The following PHF21A variants were observed in gnomAD, a reference collection of about 807,000 sequenced individuals.
PHF21A encodes BHC80a.
Under a neutral mutation model 82.5 loss-of-function variants are expected in PHF21A, and 11 were observed. That is an observed-to-expected ratio of 0.13 (90% confidence interval 0.08 to 0.22). The LOEUF (loss-of-function observed/expected upper bound fraction) is 0.22. PHF21A is among the 10% of genes least tolerant of loss of function. PHF21A has a pLI of 1.00. For synonymous variants in PHF21A, 297 were observed against 302.8 expected (o/e 0.98, Z 0.20); for missense variants, 579 against 837.8 (o/e 0.69, Z 3.81).
At chr11:45,984,790 G>T (rs578145671) in intron 6 of PHF21A, among the ~76,000 whole-genome samples, 1 of 152,318 alleles carries the variant, frequency 6.6e-6, no homozygotes, top group South Asian at 2.1e-4. Flanking sequence ...GCAAGTCTCT[G>T]CTTTTTCACA....
intron 6 of PHF21A, among the ~76,000 whole-genome samples, chr11:46,021,191 C>G (rs551542027): frequency 1.4e-4 from 21 of 152,038 alleles, no homozygotes; most frequent in African/African-American, 4.8e-4. Context: ...TCCAGAGCAG[C>G]TGGAACTACA....
intron 3 of PHF21A, among the ~76,000 whole-genome samples, chr11:46,086,309 C>T (rs1034771508): frequency 3.9e-5 from 6 of 152,164 alleles, no homozygotes; most frequent in East Asian, 1.9e-4. Flanking sequence ...TTAGTAGAGA[C>T]GGGGTTTCAC....
chr11:46,047,583 T>C (rs1482977306), intron 6 of PHF21A, among the ~76,000 whole-genome samples: 1 of 152,212 alleles, frequency 6.6e-6, no homozygotes, highest in East Asian at 1.9e-4. Flanking sequence ...CTAGTCACAT[T>C]CAAGAACTGA....
chr11:45,954,972 C>G (rs2092513460), intron 10 of PHF21A, among the ~76,000 whole-genome samples: 1 of 152,070 alleles, frequency 6.6e-6, no homozygotes, highest in Admixed American at 6.5e-5. Flanking sequence ...TGGCCACTTC[C>G]ATATTTTCCT....
intron 6 of PHF21A, among the ~76,000 whole-genome samples, chr11:46,058,338 T>C (rs950100858): frequency 2.0e-5 from 3 of 152,146 alleles, no homozygotes; most frequent in Admixed American, 6.6e-5. Flanking sequence ...ACATTGTTGG[T>C]AAAACGAAAC....
At chr11:46,097,492 A>G (rs565393680) in intron 1 of PHF21A, among the ~76,000 whole-genome samples, 42 of 152,322 alleles carry the variant, frequency 2.8e-4, no homozygotes, top group African/African-American at 9.6e-4. Flanking sequence ...CAAATTATTG[A>G]GGAAATCTAC....
intron 6 of PHF21A, among the ~76,000 whole-genome samples, chr11:46,010,526 T>C (rs1056771032): frequency 6.6e-6 from 1 of 152,242 alleles, no homozygotes; most frequent in African/African-American, 2.4e-5. Context: ...CGACATTGTT[T>C]GGGAATAGTG....
At chr11:46,079,989 T>C (rs909330372) in intron 4 of PHF21A, among the ~76,000 whole-genome samples, 3 of 152,020 alleles carry the variant, frequency 2.0e-5, no homozygotes, top group Non-Finnish European at 4.4e-5. Flanking sequence ...GACAGAAGAA[T>C]ATGAAGGATA....
intron 14 of PHF21A, chr11:45,946,246 GA>G: frequency 1.2e-6 from 1 of 847,682 alleles, no homozygotes; most frequent in South Asian, 1.5e-5. Context: ...GAGAATGACA[GA>G]AGGTGCTGGC....
chr11:46,112,057 G>A (rs1027019880), intron 1 of PHF21A, among the ~76,000 whole-genome samples: 3 of 152,292 alleles, frequency 2.0e-5, no homozygotes, highest in African/African-American at 7.2e-5. Flanking sequence ...TGAACTTTCT[G>A]AAGTCAACCA....
intron 6 of PHF21A, among the ~76,000 whole-genome samples, chr11:46,059,995 C>T (rs1225035771): frequency 4.6e-5 from 7 of 152,088 alleles, no homozygotes; most frequent in African/African-American, 1.4e-4. Context: ...CCACCCACCT[C>T]GGCCTCCAAA....
At chr11:46,011,876 A>G (rs1273068276) in intron 6 of PHF21A, among the ~76,000 whole-genome samples, 1 of 152,224 alleles carries the variant, frequency 6.6e-6, no homozygotes, top group East Asian at 1.9e-4. Flanking sequence ...AAAAAGAGCA[A>G]AAACTTCTTT....
chr11:45,980,078 C>A, intron 6 of PHF21A, 112 bp from the exon 7 acceptor site: 1 of 1,468,832 alleles, frequency 6.8e-7, no homozygotes. Context: ...AAACTTATTA[C>A]ATCTAAATTT....
chr11:46,058,295 A>G (rs1275354047), intron 6 of PHF21A, among the ~76,000 whole-genome samples: 2 of 152,348 alleles, frequency 1.3e-5, no homozygotes, highest in African/African-American at 4.8e-5. Flanking sequence ...AACATTATAG[A>G]TGTTTCCTTT....
chr11:46,066,337 AATATATATTAGATATTTATCTGTATGGT>A (rs2096593935), intron 6 of PHF21A, among the ~76,000 whole-genome samples: 1 of 152,296 alleles, frequency 6.6e-6, no homozygotes, highest in Admixed American at 6.5e-5. Context: ...CATACATATA[AATATATATTAGATATTTATCTGTATGGT>A]ATACCTCAAC....
intron 7 of PHF21A, among the ~76,000 whole-genome samples, chr11:45,976,195 C>G (rs2094014203): frequency 6.6e-6 from 1 of 152,178 alleles, no homozygotes; most frequent in African/African-American, 2.4e-5. Context: ...ATACTACTCT[C>G]TATACTTGTG....
chr11:46,117,633 C>A (rs1851714630), intron 1 of PHF21A, among the ~76,000 whole-genome samples: 1 of 152,188 alleles, frequency 6.6e-6, no homozygotes. Context: ...TACTCTATAT[C>A]CTATTTGTAT....
chr11:46,000,772 T>G (rs2095095703), intron 6 of PHF21A, among the ~76,000 whole-genome samples: 1 of 151,888 alleles, frequency 6.6e-6, no homozygotes, highest in Non-Finnish European at 1.5e-5. Context: ...ATACAAAAAT[T>G]AGCCAGGTGT....
chr11:46,068,175 CAGTCACATGGA>C (rs952887816), intron 6 of PHF21A, among the ~76,000 whole-genome samples: 7 of 152,068 alleles, frequency 4.6e-5, no homozygotes, highest in African/African-American at 1.7e-4. Context: ...AGGTCATAAC[CAGTCACATGGA>C]AGTAACACTG....
Sources: gnomAD v4.1 joint callset for allele counts (sites outside exome capture counted in the v4.1 genomes callset) on GRCh38, gnomAD v4.1.1 for gene constraint, MANE v1.5 for transcripts, NCBI Gene and HGNC (gene_info 2026-07-23, HGNC 2026-07-21) for gene names.